SPEF2: variants seen among roughly 807,000 people sequenced by gnomAD.
The protein encoded by SPEF2 is sperm flagellar and cilia associated 2.
A neutral mutation model predicts 224.6 loss-of-function variants in SPEF2; 187 were observed. The observed-to-expected ratio is 0.83, with a 90% CI of 0.74 to 0.94. SPEF2 has a LOEUF of 0.94. Among genes scored for constraint, SPEF2 ranks in the 40% least tolerant of loss-of-function variants. The probability of loss-of-function intolerance (pLI) is 0.00; values close to 1 mark genes in which losing one functional copy is unlikely to be tolerated. For missense variants in SPEF2, 2,170 were observed against 2,135.6 expected (o/e 1.02, Z -0.32); for synonymous variants, 715 against 707.3 (o/e 1.01, Z -0.17).
intron 11 of SPEF2, among the ~76,000 whole-genome samples, chr5:35,691,830 G>A (rs115748545): frequency 0.02 from 3,011 of 151,712 alleles, 63 homozygotes; most frequent in South Asian, 0.055. Flanking sequence ...ACAGAGTCTC[G>A]CTCTGTTGGC....
intron 19 of SPEF2, 184 bp downstream of exon 19, chr5:35,709,305 C>A: frequency 7.1e-7 from 1 of 1,417,182 alleles, no homozygotes. Flanking sequence ...GTTACAAAGC[C>A]CAACTTCTTT....
chr5:35,690,659 CT>C lies in SPEF2; in HGVS notation c.1525-375del, dbSNP rs570550823. On this transcript the variant is annotated intron_variant, in intron 10 of 36. Coordinates refer to ENST00000356031, the MANE Select transcript of SPEF2 (RefSeq NM_024867.4). ...TGAGCATGAAAATTCTCTTTTATTA[CT>C]TTAAAATATTATAAAATAAATTTAA... Among the ~76,000 whole-genome samples, 43 of 152,028 alleles carry C rather than the reference CT, an allele frequency of 2.8e-4. No homozygotes were observed. In the South Asian group the frequency reaches 6.6e-3, roughly 23 times the overall value.
chr5:35,670,220 A>G lies in SPEF2; in HGVS notation c.1517A>G (p.Glu506Gly). The change falls in exon 10 of 37, where the codon GAA becomes GGA. Residue 506 changes from glutamate (E) to glycine (G), a missense_variant. Glu to Gly is a moderately conservative substitution (Grantham distance 98). Transcript: ENST00000356031. ...RDLLDTNDYE[E>G]YKNMVGEWAL... The stretch of plus-strand genomic sequence containing the variant: ...TTGCTAGATACCAATGATTATGAAG[A>G]ATATAAGGTACCTACTGATATGAAA... The G allele has an allele frequency of 1.9e-6, 3 of 1,604,772 alleles. No individual in the cohort carries two copies. The highest frequency in any genetic ancestry group is 2.6e-6 in the Non-Finnish European group (3 of 1,176,122).
At chr5:35,646,877 TAG>T (rs1440500430) in intron 5 of SPEF2, 70 bp downstream of exon 5, 80 of 1,505,392 alleles carry the variant, frequency 5.3e-5, no homozygotes, top group Non-Finnish European at 6.6e-5. Context: ...CTGGAACATA[TAG>T]AGAGACTTTC....
intron 30 of SPEF2, among the ~76,000 whole-genome samples, chr5:35,780,630 A>G (rs1754204963): frequency 6.6e-6 from 1 of 152,172 alleles, no homozygotes; most frequent in Non-Finnish European, 1.5e-5. Flanking sequence ...CGAGCTCCAC[A>G]ATGCCCTGTT....
chr5:35,781,138 G>C (rs754491598), intron 30 of SPEF2, among the ~76,000 whole-genome samples: 5 of 151,786 alleles, frequency 3.3e-5, no homozygotes, highest in African/African-American at 1.2e-4. Context: ...AGGGAGAAAC[G>C]GAGTTGTTTT....
chr5:35,723,697 T>C (rs1744167197), intron 20 of SPEF2, among the ~76,000 whole-genome samples: 1 of 152,214 alleles, frequency 6.6e-6, no homozygotes, highest in Non-Finnish European at 1.5e-5. Flanking sequence ...ACAATGCTTA[T>C]TGTGATGACT....
At chr5:35,777,629 G>C (rs1195272159) in intron 29 of SPEF2, among the ~76,000 whole-genome samples, 1 of 151,210 alleles carries the variant, frequency 6.6e-6, no homozygotes, top group African/African-American at 2.4e-5. Context: ...GTCATGAACT[G>C]TGGCCACAAG....
chr5:35,811,679 C>G (rs1405950785), intron 36 of SPEF2, among the ~76,000 whole-genome samples: 1 of 151,438 alleles, frequency 6.6e-6, no homozygotes, highest in African/African-American at 2.4e-5. Context: ...AACTCAGTTC[C>G]TGGAAGATAG....
Position 35,643,760 on chromosome 5 carries a change from T to C in SPEF2, c.415-595T>C, listed in dbSNP as rs568504442. 1.8e-5 allele frequency: 5 copies of C among 282,234 alleles called. No individual in the cohort carries two copies. In the South Asian group the frequency reaches 1.8e-4, roughly 10 times the overall value. 17.5% of individuals were successfully genotyped at this position (282,234 alleles called of 1,614,324 possible). ...ATGCCTAGTGATGTGCCAAGCCCTG[T>C]TTCAGGTGCTTTATGAATATTATCT... On this transcript the variant is annotated intron_variant, in intron 3 of 36. Transcript: ENST00000356031.
intron 27 of SPEF2, among the ~76,000 whole-genome samples, chr5:35,771,961 T>C (rs1752916763): frequency 6.6e-6 from 1 of 152,302 alleles, no homozygotes; most frequent in Admixed American, 6.5e-5. Context: ...TTTAACCAAA[T>C]AGCCAGATGT....
chr5:35,710,476 GA>G, intron 19 of SPEF2: 1 of 642,090 alleles, frequency 1.6e-6, no homozygotes, highest in Non-Finnish European at 1.9e-6. Context: ...AGAATTGCTT[GA>G]ACCTGAGAGG....
chr5:35,680,701 C>T (rs1262867951), intron 10 of SPEF2, among the ~76,000 whole-genome samples: 1 of 152,074 alleles, frequency 6.6e-6, no homozygotes, highest in Non-Finnish European at 1.5e-5. Flanking sequence ...GGATGAAATT[C>T]AGTTGATTTG....
intron 8 of SPEF2, among the ~76,000 whole-genome samples, chr5:35,663,687 A>G (rs1750037839): frequency 6.6e-6 from 1 of 152,248 alleles, no homozygotes; most frequent in East Asian, 1.9e-4. Context: ...TGAATTGGTG[A>G]CCAAAAACTG....
intron 5 of SPEF2, among the ~76,000 whole-genome samples, chr5:35,647,775 T>C (rs1402683059): frequency 6.6e-5 from 10 of 152,190 alleles, no homozygotes; most frequent in African/African-American, 2.4e-4. Flanking sequence ...ACTATTTTTC[T>C]ATGAATCCCA....
chr5:35,619,538 G>A (rs1193902534), intron 1 of SPEF2, among the ~76,000 whole-genome samples: 2 of 151,914 alleles, frequency 1.3e-5, no homozygotes, highest in African/African-American at 2.4e-5. Context: ...TTAGCCGGAC[G>A]TCGTGGCGGG....
chr5:35,708,441 A>G (rs544739479), intron 18 of SPEF2, among the ~76,000 whole-genome samples: 1 of 151,904 alleles, frequency 6.6e-6, no homozygotes, highest in East Asian at 1.9e-4. Context: ...CTACTTCTAG[A>G]TTATCACTTT....
intron 20 of SPEF2, among the ~76,000 whole-genome samples, chr5:35,715,150 C>G (rs765851589): frequency 2.0e-5 from 3 of 152,086 alleles, no homozygotes; most frequent in Non-Finnish European, 4.4e-5. Flanking sequence ...CTCCTGGGCT[C>G]AAGCAATCTC....
chr5:35,744,682 G>A (rs1461557906), intron 23 of SPEF2, among the ~76,000 whole-genome samples: 1 of 152,108 alleles, frequency 6.6e-6, no homozygotes. Flanking sequence ...AACCCAGGAG[G>A]TGGAGGCCTC....
Sources: allele counts gnomAD v4.1 joint callset (sites outside exome capture counted in the v4.1 genomes callset), GRCh38; gene constraint gnomAD v4.1.1; transcripts MANE v1.5; gene names NCBI Gene and HGNC (gene_info 2026-07-23, HGNC 2026-07-21).